The following GINM1 variants were observed in gnomAD, a reference collection of about 807,000 sequenced individuals.
The protein encoded by GINM1 is glycoprotein integral membrane protein 1.
In GINM1, 29 loss-of-function variants were observed where a neutral mutation model predicts 37.8. The ratio of observed to expected loss-of-function variants is 0.77; its 90% confidence interval spans 0.57 to 1.05. The LOEUF is 1.05. Ranked by LOEUF, GINM1 falls within the 50% of genes least tolerant of loss-of-function variation. The pLI, the probability that GINM1 is intolerant of heterozygous loss-of-function variation, is 0.00. For missense variants in GINM1, 377 were observed against 397.9 expected, an observed-to-expected ratio of 0.95 and a Z score of 0.45; for synonymous variants, 143 against 146.2, an observed-to-expected ratio of 0.98 and a Z score of 0.16.
chr6:149,574,104 G>A (rs1777873723), intron 3 of GINM1, among the ~76,000 whole-genome samples: 1 of 141,408 alleles, frequency 7.1e-6, no homozygotes, highest in Non-Finnish European at 1.5e-5. Context: ...AGGCTGGAAT[G>A]CAGTGGCGCG....
chr6:149,566,567 C>G lies in GINM1; in HGVS notation c.120+33C>G. 2.1e-6 allele frequency: 3 copies of G among 1,459,756 alleles called. No individual in the cohort carries two copies. The South Asian group carries it at 3.9e-5, about 19-fold the overall frequency. The allele number at this position is 1,459,756 out of a possible 1,614,324, so 90.4% of individuals were successfully genotyped here. A position where few individuals can be genotyped will look rare whatever the true frequency, so the allele number is the denominator to read the frequency against. ...AGGGCGGGCCTGGCTGGCCGCTTTACGACTCCGACTCTCCGGGAGGCCCGG... is the reference window on the plus strand; with the variant it reads ...AGGGCGGGCCTGGCTGGCCGCTTTAGGACTCCGACTCTCCGGGAGGCCCGG... On this transcript the variant is annotated intron_variant, in intron 1 of 7. Transcript: ENST00000367419. This position sits in a 1 kb window ranked among gnomAD's most constrained non-coding sequence, Gnocchi z 4.4.
chr6:149,570,904 C>T (rs1777808444), intron 1 of GINM1, among the ~76,000 whole-genome samples: 1 of 152,192 alleles, frequency 6.6e-6, no homozygotes, highest in Admixed American at 6.6e-5. Context: ...GTGCTTGCTT[C>T]TGTATATAAA....
chr6:149,568,130 T>C (rs147707560), intron 1 of GINM1, among the ~76,000 whole-genome samples: 41 of 152,364 alleles, frequency 2.7e-4, no homozygotes, highest in African/African-American at 9.1e-4. Context: ...CATATTACGC[T>C]GGGTGCAGTG....
intron 3 of GINM1, chr6:149,578,313 A>G (rs1157790287): frequency 6.6e-6 from 1 of 152,342 alleles, no homozygotes; most frequent in African/African-American, 2.4e-5. Flanking sequence ...ACTTGAGGTC[A>G]GGAGTTAGCA....
At chr6:149,588,320 A>G (rs1778103711) in intron 7 of GINM1, among the ~76,000 whole-genome samples, 1 of 152,198 alleles carries the variant, frequency 6.6e-6, no homozygotes. Context: ...AATTGGCTAT[A>G]TATGATTCTC....
rs145071660 is a variant in GINM1 at position 149,578,869 on chromosome 6, A to G, written c.325A>G (p.Ile109Val). ...TTTGGAGGAAAAAGAATATTTTGGA[A>G]TTGTCAGTGTAAGGATTTTAGTTCA... ...ENLEEKEYFG[I>V]VSVRILVHEW... The change falls in exon 4 of 8, where the codon ATT becomes GTT. Residue 109 changes from isoleucine to valine, a missense_variant. Coordinates refer to ENST00000367419, the MANE Select transcript of GINM1 (RefSeq NM_138785.5). 2.4e-5 allele frequency: 38 copies of G among 1,591,980 alleles called. No individual in the cohort carries two copies. The African/African-American group carries it at 4.6e-4, about 19-fold the overall frequency.
chr6:149,579,024 C>G (rs1344013906), intron 4 of GINM1, 51 bp downstream of exon 4: 3 of 1,215,896 alleles, frequency 2.5e-6, no homozygotes, highest in East Asian at 4.9e-5. Flanking sequence ...TAGATTTGTG[C>G]TAGATATTAT....
At chr6:149,589,935 T>C (rs1002654924) in intron 7 of GINM1, among the ~76,000 whole-genome samples, 3 of 152,038 alleles carry the variant, frequency 2.0e-5, no homozygotes, top group African/African-American at 7.2e-5. Flanking sequence ...AATAGCTAGC[T>C]AGCTGGGACT....
chr6:149,583,379 C>G (rs1778028271), intron 7 of GINM1, among the ~76,000 whole-genome samples: 1 of 152,160 alleles, frequency 6.6e-6, no homozygotes, highest in African/African-American at 2.4e-5. Flanking sequence ...AGGAGAATCA[C>G]TTGAACCTGG....
Position 149,590,905 on chromosome 6 carries a change from T to G in GINM1, c.*67T>G. On this transcript the variant is annotated 3_prime_UTR_variant, in exon 8 of 8. Transcript: ENST00000367419. ...TCCAAATTTGCCACTTGAATATAAT[T>G]TTCTTTAAATCGTTAAGAATCAGTT... is the stretch of plus-strand genomic sequence containing the variant. The G allele has an allele frequency of 1.4e-6, 1 of 724,466 alleles. No individual in the cohort carries two copies. The highest frequency in any genetic ancestry group is 2.4e-6 in the Non-Finnish European group (1 of 413,082). 44.9% of individuals were successfully genotyped at this position (724,466 alleles called of 1,614,324 possible). A position where few individuals can be genotyped will look rare whatever the true frequency, so the allele number is the denominator to read the frequency against.
chr6:149,572,225 C>A, intron 1 of GINM1, 60 bp from the exon 2 acceptor site: 3 of 931,682 alleles, frequency 3.2e-6, no homozygotes, highest in Middle Eastern at 2.2e-4. Context: ...AAGAGAAAGC[C>A]ACGTTGTTCT....
In GINM1 at chr6:149,591,127, A is replaced by T. The variant is rs1778148943; in HGVS notation, c.*289A>T. 4 of 192,084 alleles carry T rather than the reference A, an allele frequency of 2.1e-5. No homozygotes were observed. Among genetic ancestry groups the T allele is most frequent in the Admixed American group, 1.2e-4 (2 of 17,000 alleles). 11.9% of individuals were successfully genotyped at this position (192,084 alleles called of 1,614,324 possible). On this transcript the variant is annotated 3_prime_UTR_variant, in exon 8 of 8. Coordinates refer to ENST00000367419, the MANE Select transcript of GINM1 (RefSeq NM_138785.5). ...AACATGGTGAAACCCTGTCTCTACT[A>T]AAAAAAATAAAAAAATTAGCTGGGT...
At position 149,582,660 on chromosome 6, in the gene GINM1, T is replaced by C. The variant is rs150904518; in HGVS notation, c.881+57T>C. The C allele has an allele frequency of 1.7e-4, 203 of 1,218,982 alleles. 1 individual carries two copies. The African/African-American group carries it at 2.8e-3, about 17-fold the overall frequency. 75.5% of individuals were successfully genotyped at this position (1,218,982 alleles called of 1,614,324 possible). On this transcript the variant is annotated intron_variant, in intron 7 of 7. Coordinates refer to ENST00000367419, the MANE Select transcript of GINM1 (RefSeq NM_138785.5). ...TTTTTAATGATTAAAAAGTGAGACA[T>C]ATTTGCTATGTTTTAGAATAGAAAA...
chr6:149,589,333 C>T (rs562072235), intron 7 of GINM1, among the ~76,000 whole-genome samples: 20 of 152,058 alleles, frequency 1.3e-4, no homozygotes, highest in South Asian at 6.2e-4. Context: ...AGTGCAGTGG[C>T]ACAATCTCTG....
chr6:149,572,019 T>C (rs1164524324), intron 1 of GINM1, among the ~76,000 whole-genome samples: 1 of 152,144 alleles, frequency 6.6e-6, no homozygotes, highest in Non-Finnish European at 1.5e-5. Flanking sequence ...AGATGGAGAT[T>C]GCAGTGAGCC....
At chr6:149,589,135 GAC>G (rs1359984289) in intron 7 of GINM1, among the ~76,000 whole-genome samples, 9 of 151,398 alleles carry the variant, frequency 5.9e-5, no homozygotes, top group African/African-American at 2.2e-4. Context: ...TTTGTGTAGA[GAC>G]AGGGTCTCAC....
chr6:149,589,337 A>G lies in GINM1; in HGVS notation c.882-1390A>G, dbSNP rs187544546. The stretch of plus-strand genomic sequence containing the variant: ...GCCCAGGCTAGAGTGCAGTGGCACA[A>G]TCTCTGCTCACTGCAACCTCAACTT... On this transcript the variant is annotated intron_variant, in intron 7 of 7. Transcript: ENST00000367419. Among the ~76,000 whole-genome samples the G allele has an allele frequency of 6.5e-3, 985 of 152,072 alleles. 11 individuals carry two copies. Among genetic ancestry groups the G allele is most frequent in the African/African-American group, 0.023 (935 of 41,480 alleles).
chr6:149,580,460 T>A, intron 5 of GINM1, 133 bp from the exon 6 acceptor site: 1 of 711,472 alleles, frequency 1.4e-6, no homozygotes, highest in South Asian at 2.1e-5. Flanking sequence ...CAGTGAACAT[T>A]CAGATGTGTT....
intron 1 of GINM1, among the ~76,000 whole-genome samples, chr6:149,569,503 T>TA (rs1429817180): frequency 6.7e-6 from 1 of 149,720 alleles, no homozygotes; most frequent in East Asian, 2.0e-4. Context: ...CATGCCTGGC[T>TA]AATTTTTGTA....
Sources: gnomAD v4.1 joint callset for allele counts (sites outside exome capture counted in the v4.1 genomes callset) on GRCh38, gnomAD v4.1.1 for gene constraint, Gnocchi (gnomAD v3.1) non-coding constraint, MANE v1.5 for transcripts, NCBI Gene and HGNC (gene_info 2026-07-23, HGNC 2026-07-21) for gene names.